MYH11: variants seen among roughly 807,000 people sequenced by gnomAD.
MYH11 encodes myosin heavy chain 11.
A neutral mutation model predicts 246.6 loss-of-function variants in MYH11; 80 were observed. The observed-to-expected ratio is 0.32, with a 90% confidence interval of 0.27 to 0.39. The LOEUF is 0.39. MYH11 is among the 10% of genes least tolerant of loss of function. MYH11 has a pLI of 1.00. For missense variants in MYH11, 2,158 were observed against 2,546.8 expected, an observed-to-expected ratio of 0.85 and a Z score of 3.29; for synonymous variants, 1,071 against 1,015.5, an observed-to-expected ratio of 1.05 and a Z score of -1.04.
At chr16:15,829,391 A>C (rs559196168) in intron 2 of MYH11, among the ~76,000 whole-genome samples, 2 of 152,268 alleles carry the variant, frequency 1.3e-5, no homozygotes, top group Admixed American at 6.5e-5. Context: ...AAGCTTTCTA[A>C]GCAAGCCAGG....
chr16:15,746,670 C>T (rs1260987205), intron 19 of MYH11, among the ~76,000 whole-genome samples: 5 of 152,164 alleles, frequency 3.3e-5, no homozygotes, highest in East Asian at 1.9e-4. Context: ...AACCCTTCCC[C>T]GGCTCCCAGT....
At chr16:15,794,689 TG>T (rs975959581) in intron 4 of MYH11, among the ~76,000 whole-genome samples, 1 of 151,990 alleles carries the variant, frequency 6.6e-6, no homozygotes, top group African/African-American at 2.4e-5. Context: ...AGGCTGTGGA[TG>T]GGGAAGCCAG....
At chr16:15,787,571 CTCCCTGGT>C (rs2042501404) in intron 4 of MYH11, among the ~76,000 whole-genome samples, 1 of 150,246 alleles carries the variant, frequency 6.7e-6, no homozygotes, top group South Asian at 2.1e-4. Flanking sequence ...CAAGCTCCAC[CTCCCTGGT>C]TCTCCTGCCT....
rs2041543097 is a variant in MYH11 at position 15,750,689 on chromosome 16, A to G, written c.1865-358T>C. ...CCTTCTAGGGCAGGGGTAAAAAAAA[A>G]TAAGGCACAGAAGGCACTTATTCCC... On this transcript the variant is annotated intron_variant, in intron 15 of 40. Transcript: ENST00000300036. This position sits in a 1 kb window ranked among gnomAD's most constrained non-coding sequence, Gnocchi z 4.3. Among the ~76,000 whole-genome samples the G allele has an allele frequency of 6.6e-6, 1 of 152,070 alleles. No homozygotes were observed. Among genetic ancestry groups the G allele is most frequent in the South Asian group, 2.1e-4 (1 of 4,822 alleles).
intron 4 of MYH11, among the ~76,000 whole-genome samples, chr16:15,797,614 C>T (rs923662366): frequency 6.7e-6 from 1 of 148,572 alleles, no homozygotes; most frequent in South Asian, 2.1e-4. Context: ...TATGCACAGT[C>T]TATCCTCATT....
chr16:15,823,174 A>C (rs1243592838), intron 3 of MYH11, 81 bp downstream of exon 3: 2 of 1,591,294 alleles, frequency 1.3e-6, no homozygotes, highest in Non-Finnish European at 1.7e-6. Flanking sequence ...GCCAAACTCC[A>C]CATTCCTGGC....
intron 1 of MYH11, 77 bp from the exon 2 acceptor site, chr16:15,838,346 G>C (rs2043962431): frequency 8.5e-7 from 1 of 1,175,914 alleles, no homozygotes; most frequent in Non-Finnish European, 1.2e-6. Context: ...ACCTTGCCCT[G>C]TCTAGGAACT....
At chr16:15,776,666 G>A (rs893813881) in intron 7 of MYH11, among the ~76,000 whole-genome samples, 13 of 152,222 alleles carry the variant, frequency 8.5e-5, no homozygotes, top group Non-Finnish European at 1.0e-4. Flanking sequence ...GCTCAGAGAA[G>A]AGAAGTCCTT....
chr16:15,782,216 A>G (rs537931496), intron 6 of MYH11, among the ~76,000 whole-genome samples, 169 bp downstream of exon 6: 3 of 152,238 alleles, frequency 2.0e-5, no homozygotes, highest in East Asian at 3.9e-4. Context: ...GAATAAATTA[A>G]TGAATGAATG....
chr16:15,747,197 A>G (rs962870363), intron 19 of MYH11, among the ~76,000 whole-genome samples: 1 of 152,124 alleles, frequency 6.6e-6, no homozygotes, highest in Non-Finnish European at 1.5e-5. Context: ...AGAACCACGC[A>G]CTGTTCTAAG....
chr16:15,853,586 C>G (rs1223742130), intron 1 of MYH11, among the ~76,000 whole-genome samples: 1 of 152,174 alleles, frequency 6.6e-6, no homozygotes, highest in East Asian at 1.9e-4. Context: ...GGATCACATA[C>G]AAGGTTTCTT....
chr16:15,745,288 G>A (rs1320212435), intron 19 of MYH11, 51 bp from the exon 20 acceptor site: 9 of 1,328,100 alleles, frequency 6.8e-6, no homozygotes, highest in Non-Finnish European at 8.7e-6. Flanking sequence ...ACACCCTGCT[G>A]TCAACAGAGC....
chr16:15,804,441 G>C (rs984539249), intron 3 of MYH11, among the ~76,000 whole-genome samples: 2 of 152,134 alleles, frequency 1.3e-5, no homozygotes, highest in African/African-American at 4.8e-5. Flanking sequence ...AGAATCGCGT[G>C]AACCAGGGAG....
At chr16:15,744,871 G>A (rs1382880922) in intron 20 of MYH11, among the ~76,000 whole-genome samples, 2 of 152,232 alleles carry the variant, frequency 1.3e-5, no homozygotes, top group African/African-American at 4.8e-5. Flanking sequence ...GAGGAAGTGG[G>A]TGTGGCTATA....
chr16:15,772,312 G>C (rs1167395516), intron 8 of MYH11, among the ~76,000 whole-genome samples: 1 of 151,826 alleles, frequency 6.6e-6, no homozygotes, highest in Non-Finnish European at 1.5e-5. Context: ...CACTAGACTT[G>C]AACTCCTGAC....
intron 3 of MYH11, among the ~76,000 whole-genome samples, chr16:15,823,034 T>C (rs563991716): frequency 6.6e-6 from 1 of 152,394 alleles, no homozygotes; most frequent in African/African-American, 2.4e-5. Context: ...GAGCTGGAGC[T>C]GGAGCGGGCC....
chr16:15,802,407 C>G (rs2042909516), intron 3 of MYH11, among the ~76,000 whole-genome samples: 1 of 152,176 alleles, frequency 6.6e-6, no homozygotes, highest in African/African-American at 2.4e-5. Context: ...AACTGTGACT[C>G]CCAAAAGCTA....
At chr16:15,790,437 C>G (rs756581460) in intron 4 of MYH11, among the ~76,000 whole-genome samples, 3 of 152,136 alleles carry the variant, frequency 2.0e-5, no homozygotes, top group Admixed American at 6.6e-5. Flanking sequence ...GGCATCTACC[C>G]CTTCCCATGT....
intron 15 of MYH11, among the ~76,000 whole-genome samples, chr16:15,752,867 A>G (rs2041609162): frequency 6.6e-6 from 1 of 152,182 alleles, no homozygotes; most frequent in African/African-American, 2.4e-5. Flanking sequence ...TGACAAAGCA[A>G]GACTCTGTCC....
Sources: allele counts gnomAD v4.1 joint callset (sites outside exome capture counted in the v4.1 genomes callset), GRCh38; gene constraint gnomAD v4.1.1; non-coding constraint Gnocchi (gnomAD v3.1); transcripts MANE v1.5; gene names NCBI Gene and HGNC (gene_info 2026-07-23, HGNC 2026-07-21).